Variants in SLC39A11 observed in about 807,000 individuals in gnomAD.
The protein encoded by SLC39A11 is zinc transporter ZIP11.
SLC39A11 carries 33 observed loss-of-function variants against 36.1 expected under a neutral mutation model. The ratio of observed to expected loss-of-function variants is 0.91; its 90% confidence interval spans 0.69 to 1.22. The LOEUF is 1.22. Ranked by LOEUF, SLC39A11 falls within the 50% of genes most tolerant of loss-of-function variation. The probability of loss-of-function intolerance (pLI) is 0.00; values close to 1 mark genes in which losing one functional copy is unlikely to be tolerated. For synonymous variants in SLC39A11, 166 were observed against 170.3 expected (o/e 0.97, Z 0.20); for missense variants, 432 against 430.3 (o/e 1.00, Z -0.03).
Position 72,842,134 on chromosome 17 carries a change from T to C in SLC39A11, c.601+7500A>G, listed in dbSNP as rs543843705. 4.3e-3 allele frequency among the ~76,000 whole-genome samples: 658 copies of C among 151,504 alleles called. 3 individuals are homozygous for C. Among genetic ancestry groups the C allele is most frequent in the Non-Finnish European group, 7.4e-3 (503 of 67,892 alleles). On this transcript the variant is annotated intron_variant, in intron 6 of 9. Coordinates refer to ENST00000255559, the MANE Select transcript of SLC39A11 (RefSeq NM_139177.4). ...CGCGCATATGTATTTCATGGCCCCA[T>C]AAATATACATACCTATGTTACTGAC...
intron 7 of SLC39A11, among the ~76,000 whole-genome samples, chr17:72,721,532 A>G (rs2073679729): frequency 6.6e-6 from 1 of 152,206 alleles, no homozygotes; most frequent in Non-Finnish European, 1.5e-5. Flanking sequence ...AAGACAGCAC[A>G]GGACTGGGCA....
intron 7 of SLC39A11, among the ~76,000 whole-genome samples, chr17:72,732,579 C>T (rs1312166794): frequency 6.6e-6 from 1 of 152,170 alleles, no homozygotes; most frequent in Non-Finnish European, 1.5e-5. Context: ...ATTTCTCCTG[C>T]AGTTTTGTTA....
At position 72,898,071 on chromosome 17, in the gene SLC39A11, G is replaced by A. The variant is rs201521609; in HGVS notation, c.431-48267C>T. Among the ~76,000 whole-genome samples the A allele has an allele frequency of 3.7e-4, 56 of 152,226 alleles. 1 individual carries two copies. In the East Asian group the frequency reaches 9.9e-3, roughly 27 times the overall value. ...CAGTAAAGCCCAGGATGAAGAGAAG[G>A]GGGAAGAGCCAAGTGAACTGAATGC... On this transcript the variant is annotated intron_variant, in intron 5 of 9. Coordinates refer to ENST00000255559, the MANE Select transcript of SLC39A11 (RefSeq NM_139177.4).
intron 7 of SLC39A11, among the ~76,000 whole-genome samples, chr17:72,665,886 GTTCT>G (rs1420224327): frequency 9.3e-5 from 14 of 151,286 alleles, no homozygotes; most frequent in African/African-American, 3.4e-4. Flanking sequence ...TTTATTATCT[GTTCT>G]TTCTCCCACA....
At chr17:72,722,081 A>G (rs933338908) in intron 7 of SLC39A11, among the ~76,000 whole-genome samples, 47 of 64,972 alleles carry the variant, frequency 7.2e-4, no homozygotes, top group African/African-American at 2.7e-3. Context: ...TAGCCAAAGA[A>G]AAAAAAAAGG....
intron 4 of SLC39A11, among the ~76,000 whole-genome samples, chr17:73,028,107 T>C (rs2058619686): frequency 6.6e-6 from 1 of 152,152 alleles, no homozygotes; most frequent in South Asian, 2.1e-4. Context: ...TCCGCTGAAT[T>C]GTGGGACTCC....
intron 3 of SLC39A11, among the ~76,000 whole-genome samples, chr17:73,052,907 G>C (rs1367056403): frequency 6.6e-6 from 1 of 152,138 alleles, no homozygotes; most frequent in Non-Finnish European, 1.5e-5. Context: ...CACCATGTTG[G>C]CCAGGCTGGT....
At chr17:72,800,989 T>A (rs1480573387) in intron 6 of SLC39A11, among the ~76,000 whole-genome samples, 1 of 152,220 alleles carries the variant, frequency 6.6e-6, no homozygotes, top group African/African-American at 2.4e-5. Flanking sequence ...AGGGATGAAG[T>A]ACTGATACAT....
chr17:72,941,031 G>C (rs2085068531), intron 5 of SLC39A11, among the ~76,000 whole-genome samples: 1 of 152,304 alleles, frequency 6.6e-6, no homozygotes, highest in South Asian at 2.1e-4. Context: ...CCACGCTTTG[G>C]GAGGCCGAGG....
intron 4 of SLC39A11, among the ~76,000 whole-genome samples, chr17:72,992,214 T>G (rs1201342875): frequency 6.6e-6 from 1 of 152,044 alleles, no homozygotes; most frequent in Non-Finnish European, 1.5e-5. Context: ...TACTCGAGCT[T>G]GGTGGCAGGC....
At chr17:73,079,405 G>A (rs2060441870) in intron 3 of SLC39A11, among the ~76,000 whole-genome samples, 1 of 152,004 alleles carries the variant, frequency 6.6e-6, no homozygotes, top group Non-Finnish European at 1.5e-5. Flanking sequence ...CCATATTATT[G>A]ATTTCTTTAT....
At chr17:72,850,643 G>A (rs1275698601) in intron 5 of SLC39A11, among the ~76,000 whole-genome samples, 1 of 152,152 alleles carries the variant, frequency 6.6e-6, no homozygotes, top group Non-Finnish European at 1.5e-5. Flanking sequence ...CTCAGCCACT[G>A]GCCAGCTGTG....
intron 7 of SLC39A11, among the ~76,000 whole-genome samples, chr17:72,688,770 T>C (rs565202336): frequency 4.1e-4 from 62 of 152,328 alleles, no homozygotes; most frequent in South Asian, 1.4e-3. Context: ...TGCAAATCCC[T>C]GGAACCAAAT....
At chr17:72,685,455 G>C (rs946334180) in intron 7 of SLC39A11, among the ~76,000 whole-genome samples, 1 of 48,824 alleles carries the variant, frequency 2.0e-5, no homozygotes, top group African/African-American at 1.9e-4. Flanking sequence ...ATCTTTGTGT[G>C]TTCAAGAAAC....
At chr17:72,668,799 T>C (rs531636451) in intron 7 of SLC39A11, among the ~76,000 whole-genome samples, 1 of 152,152 alleles carries the variant, frequency 6.6e-6, no homozygotes, top group Non-Finnish European at 1.5e-5. Context: ...TCTGTGGAAA[T>C]AGGAGTTTAT....
intron 7 of SLC39A11, among the ~76,000 whole-genome samples, chr17:72,698,880 G>T (rs1243096277): frequency 6.6e-6 from 1 of 152,154 alleles, no homozygotes; most frequent in Non-Finnish European, 1.5e-5. Flanking sequence ...GCCCAGGCTG[G>T]AGTGCAGTGG....
At chr17:72,766,574 G>T (rs1332716864) in intron 6 of SLC39A11, among the ~76,000 whole-genome samples, 1 of 152,144 alleles carries the variant, frequency 6.6e-6, no homozygotes, top group Non-Finnish European at 1.5e-5. Flanking sequence ...TGCTTCTTCT[G>T]CTAGTGGCTC....
intron 5 of SLC39A11, among the ~76,000 whole-genome samples, chr17:72,888,845 T>A (rs112073663): frequency 1.3e-5 from 2 of 151,830 alleles, no homozygotes; most frequent in Non-Finnish European, 1.5e-5. Context: ...AAGACTGCAG[T>A]GAGCTATGAT....
intron 7 of SLC39A11, among the ~76,000 whole-genome samples, chr17:72,721,642 T>C (rs1408077183): frequency 6.7e-6 from 1 of 148,436 alleles, no homozygotes; most frequent in African/African-American, 2.6e-5. Flanking sequence ...GCCCTTGTCA[T>C]GATGATGCTC....
Sources: allele counts gnomAD v4.1 joint callset (sites outside exome capture counted in the v4.1 genomes callset), GRCh38; gene constraint gnomAD v4.1.1; transcripts MANE v1.5; gene names NCBI Gene and HGNC (gene_info 2026-07-23, HGNC 2026-07-21).